APOL2: variants seen among roughly 807,000 people sequenced by gnomAD.
APOL2 encodes the protein apolipoprotein L, 2.
APOL2 carries 8 observed loss-of-function variants against 7.1 expected under a neutral mutation model. The ratio of observed to expected loss-of-function variants is 1.12; its 90% confidence interval spans 0.66 to 2.03. The LOEUF (loss-of-function observed/expected upper bound fraction) is 2.03. Among genes scored for constraint, APOL2 ranks in the 30% most tolerant of loss-of-function variants. The pLI, the probability that APOL2 is intolerant of heterozygous loss-of-function variation, is 0.00. For missense variants in APOL2, 471 were observed against 415.1 expected (o/e 1.13, Z -1.17); for synonymous variants, 177 against 159.9 (o/e 1.11, Z -0.81).
At chr22:36,236,596 C>T in intron 1 of APOL2, 3 of 985,398 alleles carry the variant, frequency 3.0e-6, no homozygotes, top group Non-Finnish European at 3.6e-6. Context: ...CTTTTCTCAC[C>T]TTGTGTCTCT....
intron 3 of APOL2, among the ~76,000 whole-genome samples, chr22:36,231,677 C>A (rs2015230903): frequency 6.6e-6 from 1 of 152,062 alleles, no homozygotes; most frequent in South Asian, 2.1e-4. Context: ...AAGATTGGGC[C>A]TTTAAGGAAG....
At chr22:36,237,512 G>T in intron 1 of APOL2, 1 of 444,462 alleles carries the variant, frequency 2.2e-6, no homozygotes, top group Non-Finnish European at 3.1e-6. Context: ...GGGCTCAAGT[G>T]ATCCTTCTGC....
intron 1 of APOL2, chr22:36,234,367 T>C (rs2015332014): frequency 6.6e-6 from 1 of 152,198 alleles, no homozygotes; most frequent in African/African-American, 2.4e-5. Flanking sequence ...CAAAACATTA[T>C]TCCTTGAGAC....
In APOL2 at chr22:36,226,665, G is replaced by GC. The variant is rs1556619173; in HGVS notation, c.*738_*739insG. ...ATTCTTGGAAGGACATCAAACCTGGGGGGGGGTCGGTAGTGGAGCTGCTGT... is the reference window on the plus strand; with the variant it reads ...ATTCTTGGAAGGACATCAAACCTGGGCGGGGGGTCGGTAGTGGAGCTGCTGT... On this transcript the variant is annotated 3_prime_UTR_variant, in exon 5 of 5. Coordinates refer to ENST00000358502, the MANE Select transcript of APOL2 (RefSeq NM_030882.4). 3 of 153,568 alleles carry GC rather than the reference G, an allele frequency of 2.0e-5. No individual in the cohort carries two copies. The highest frequency in any genetic ancestry group is 3.8e-4 in the East Asian group (2 of 5,292). 9.5% of individuals were successfully genotyped at this position (153,568 alleles called of 1,614,324 possible).
intron 3 of APOL2, 94 bp from the exon 4 acceptor site, chr22:36,231,560 G>A: frequency 7.5e-6 from 11 of 1,465,090 alleles, no homozygotes; most frequent in Non-Finnish European, 1.0e-5. Context: ...ATTTTTCCTG[G>A]ACAACTGTGA....
At chr22:36,230,543 A>C (rs1292565785) in intron 4 of APOL2, among the ~76,000 whole-genome samples, 1 of 151,986 alleles carries the variant, frequency 6.6e-6, no homozygotes, top group Non-Finnish European at 1.5e-5. Context: ...TACCAAACCA[A>C]GGCTGACTCT....
chr22:36,237,945 C>A (rs1265642643), intron 1 of APOL2, among the ~76,000 whole-genome samples: 1 of 152,092 alleles, frequency 6.6e-6, no homozygotes, highest in East Asian at 1.9e-4. Flanking sequence ...CCTGGAATGT[C>A]CCCCCCACTG....
At chr22:36,239,322 TG>T in intron 1 of APOL2, 118 bp downstream of exon 1, 1 of 1,346,098 alleles carries the variant, frequency 7.4e-7, no homozygotes, top group Admixed American at 2.6e-5. Flanking sequence ...CTTTCCTGTC[TG>T]ATCTGAACCA....
chr22:36,237,236 G>A (rs190984117), intron 1 of APOL2: 26 of 1,370,090 alleles, frequency 1.9e-5, no homozygotes, highest in Middle Eastern at 1.9e-4. Context: ...GGTCAATTCC[G>A]GTGTCCAACT....
intron 2 of APOL2, 60 bp downstream of exon 2, chr22:36,233,342 G>A (rs2015294636): frequency 1.3e-6 from 2 of 1,577,336 alleles, no homozygotes; most frequent in Non-Finnish European, 8.6e-7. Flanking sequence ...TGTGGTAGCA[G>A]CAAATGTCCA....
intron 4 of APOL2, among the ~76,000 whole-genome samples, chr22:36,230,723 C>T (rs1209554189): frequency 6.6e-6 from 1 of 152,082 alleles, no homozygotes; most frequent in Non-Finnish European, 1.5e-5. Context: ...AGTTCCAAGT[C>T]TCCATGACAT....
chr22:36,231,320 G>A lies in APOL2; in HGVS notation c.137+20C>T. The A allele has an allele frequency of 1.9e-6, 3 of 1,613,022 alleles. No individual in the cohort carries two copies. The highest frequency in any genetic ancestry group is 2.5e-6 in the Non-Finnish European group (3 of 1,179,104). On this transcript the variant is annotated intron_variant, in intron 4 of 4. Coordinates refer to ENST00000358502, the MANE Select transcript of APOL2 (RefSeq NM_030882.4). ...TGGCATCGCTGGGGCGCCCCATGGA[G>A]TTAACCCCATGGAGCTTACCTGGGC...
upstream of APOL2, chr22:36,239,730 A>C: frequency 3.7e-6 from 2 of 546,104 alleles, no homozygotes; most frequent in Non-Finnish European, 3.3e-6. Flanking sequence ...CATCCAACCC[A>C]CCTGCCTCAC....
Position 36,233,167 on chromosome 22 carries a change from C to T in APOL2, c.-5G>A. 1 of 1,614,094 alleles carries T rather than the reference C, an allele frequency of 6.2e-7. No individual in the cohort carries two copies. The highest frequency in any genetic ancestry group is 8.5e-7 in the Non-Finnish European group (1 of 1,179,988). ...AGCGAGCCTACCTGGGTTCATGGTG[C>T]CAGCGGCTGGGTTACCGAGGGGCTT... On this transcript the variant is annotated 5_prime_UTR_variant, in exon 3 of 5. Coordinates refer to ENST00000358502, the MANE Select transcript of APOL2 (RefSeq NM_030882.4).
chr22:36,234,753 G>T (rs1020075369), intron 1 of APOL2, among the ~76,000 whole-genome samples: 18 of 152,166 alleles, frequency 1.2e-4, no homozygotes, highest in African/African-American at 3.9e-4. Flanking sequence ...ATTGCTCTAA[G>T]ATGTTATAAA....
chr22:36,239,739 A>G (rs2015539016), upstream of APOL2: 4 of 544,468 alleles, frequency 7.3e-6, no homozygotes, highest in Non-Finnish European at 1.3e-5. Flanking sequence ...CACCTGCCTC[A>G]CATCCTCAGG....
chr22:36,230,083 A>G (rs1357886790), intron 4 of APOL2, among the ~76,000 whole-genome samples: 1 of 152,214 alleles, frequency 6.6e-6, no homozygotes, highest in Admixed American at 6.5e-5. Context: ...CCACTAGAAG[A>G]CTCAAGACAC....
At chr22:36,233,347 T>G (rs2015294772) in intron 2 of APOL2, 55 bp downstream of exon 2, 2 of 1,570,756 alleles carry the variant, frequency 1.3e-6, no homozygotes, top group Non-Finnish European at 1.7e-6. Flanking sequence ...TAGCAGCAAA[T>G]GTCCAGAGTG....
chr22:36,233,239 AC>A lies in APOL2; in HGVS notation c.-78del, dbSNP rs1258688402. On this transcript the variant is annotated splice_region_variant and 5_prime_UTR_variant, in exon 3 of 5. The change abolishes the stop of an existing upstream ORF in the 5' untranslated region. Coordinates refer to ENST00000358502, the MANE Select transcript of APOL2 (RefSeq NM_030882.4). The stretch of plus-strand genomic sequence containing the variant: ...TGTCCAGACTGGAAGGTTTTCCTTA[AC>A]CCTTGAGAACGAGAAAACAAATTGT... 1 of 1,614,010 alleles carries A rather than the reference AC, an allele frequency of 6.2e-7. No individual in the cohort carries two copies. The highest frequency in any genetic ancestry group is 1.7e-5 in the Admixed American group (1 of 60,004).
Sources: gnomAD v4.1 joint callset for allele counts (sites outside exome capture counted in the v4.1 genomes callset) on GRCh38, gnomAD v4.1.1 for gene constraint, MANE v1.5 for transcripts, NCBI Gene and HGNC (gene_info 2026-07-23, HGNC 2026-07-21) for gene names.